The following MCTP1 variants were observed in gnomAD, a reference collection of about 807,000 sequenced individuals.
MCTP1 encodes the protein multiple C2 and transmembrane domain containing 1, also known as multiple C2 and transmembrane domain-containing protein 1.
MCTP1 carries 69 observed loss-of-function variants against 120.6 expected under a neutral mutation model. The observed-to-expected ratio is 0.57, with a 90% CI of 0.47 to 0.70. The LOEUF (loss-of-function observed/expected upper bound fraction) is 0.70, where lower values mean the gene tolerates loss of function less well. MCTP1 is among the 30% of genes least tolerant of loss of function. The pLI is 0.00. For missense variants in MCTP1, 1,203 were observed against 1,248.8 expected, an observed-to-expected ratio of 0.96 and a Z score of 0.55; for synonymous variants, 529 against 493.1, an observed-to-expected ratio of 1.07 and a Z score of -0.96.
In MCTP1 at chr5:95,284,134, G is replaced by A. The variant is rs373085719; in HGVS notation, c.442C>T (p.Pro148Ser). 6.4e-7 allele frequency: 1 copy of A among 1,554,132 alleles called. No individual in the cohort carries two copies. ...AASGAAGGTPPGGRSPDSAPS... is the reference protein window; with the variant it reads ...AASGAAGGTPSGGRSPDSAPS... ...GCTGAGTCGGGGGAGCGTCCGCCAG[G>A]AGGCGTCCCTCCCGCTGCTCCCGAG... Residue 148 changes from proline to serine, a missense_variant, in exon 1 of 23, where the codon CCT becomes TCT. Coordinates refer to ENST00000515393, the MANE Select transcript of MCTP1 (RefSeq NM_024717.7). The surrounding 1 kb of genome is among the most constrained non-coding windows in gnomAD (Gnocchi z 5.2).
intron 1 of MCTP1, chr5:95,081,464 G>T (rs1315150082): frequency 1.2e-6 from 2 of 1,612,264 alleles, no homozygotes; most frequent in African/African-American, 1.3e-5. Context: ...GCACTTTTCA[G>T]CTTGCAGCTG....
chr5:94,886,475 CAG>C (rs1163847563), intron 12 of MCTP1, among the ~76,000 whole-genome samples: 1 of 150,504 alleles, frequency 6.6e-6, no homozygotes, highest in Non-Finnish European at 1.5e-5. Flanking sequence ...ATCAAAAAAA[CAG>C]AGCCAAGTTG....
At chr5:94,913,042 A>G in intron 8 of MCTP1, 66 bp from the exon 9 acceptor site, 1 of 1,234,224 alleles carries the variant, frequency 8.1e-7, no homozygotes, top group Non-Finnish European at 1.1e-6. Context: ...TTTTGGCGTT[A>G]CCTTTTCTCC....
At chr5:94,821,747 A>G (rs1407312851) in intron 17 of MCTP1, among the ~76,000 whole-genome samples, 1 of 152,152 alleles carries the variant, frequency 6.6e-6, no homozygotes, top group East Asian at 1.9e-4. Flanking sequence ...AAGTCCTGCA[A>G]TTGGCCCTGA....
In MCTP1 at chr5:94,953,303, C is replaced by T. The variant is rs770597118; in HGVS notation, c.897G>A (p.Lys299=). The change falls in exon 3 of 23, where the codon AAG becomes AAA. Residue 299 remains lysine (K), a synonymous_variant. Coordinates refer to ENST00000515393, the MANE Select transcript of MCTP1 (RefSeq NM_024717.7). ...KIGGKEVFRS[K]IIHKNLNPVW... is the part of the protein sequence containing the mutation. ...CAGGGTTGAGGTTCTTGTGTATTAT[C>T]TTACTTCTAAAAACTTCTTTTCCTC... The T allele has an allele frequency of 3.7e-6, 6 of 1,611,814 alleles. No homozygotes were observed. In the African/African-American group the frequency reaches 8.0e-5, roughly 22 times the overall value.
intron 1 of MCTP1, among the ~76,000 whole-genome samples, chr5:95,138,237 C>CCCCA (rs952922775): frequency 1.5e-4 from 23 of 150,438 alleles, no homozygotes; most frequent in East Asian, 5.9e-4. Context: ...GATGCAACCC[C>CCCCA]CCCCCGACAT....
chr5:94,907,116 T>C (rs1581279292), intron 10 of MCTP1, among the ~76,000 whole-genome samples: 1 of 152,222 alleles, frequency 6.6e-6, no homozygotes, highest in East Asian at 1.9e-4. Context: ...ACAACTTGCC[T>C]GATACTTAGG....
chr5:95,107,077 T>C (rs564316127), intron 1 of MCTP1, among the ~76,000 whole-genome samples: 2 of 152,210 alleles, frequency 1.3e-5, no homozygotes, highest in Non-Finnish European at 2.9e-5. Context: ...CTAAATTTAG[T>C]TGAGTGTTAA....
chr5:95,069,698 C>CT (rs1360505720), intron 1 of MCTP1, among the ~76,000 whole-genome samples: 2 of 64,630 alleles, frequency 3.1e-5, no homozygotes, highest in South Asian at 4.6e-4. Flanking sequence ...GACCCTTCTG[C>CT]CCTTTTTTTT....
intron 10 of MCTP1, among the ~76,000 whole-genome samples, chr5:94,902,855 A>G (rs1805868257): frequency 6.6e-6 from 1 of 152,208 alleles, no homozygotes; most frequent in Non-Finnish European, 1.5e-5. Context: ...GCAAACTTCT[A>G]TAATTCCCTA....
At chr5:95,078,193 C>T (rs1754103484) in intron 1 of MCTP1, among the ~76,000 whole-genome samples, 1 of 152,184 alleles carries the variant, frequency 6.6e-6, no homozygotes, top group African/African-American at 2.4e-5. Context: ...TAAACTTCTC[C>T]ATTCTACAAT....
intron 13 of MCTP1, 147 bp from the exon 14 acceptor site, chr5:94,871,564 G>C (rs1797861572): frequency 1.6e-6 from 1 of 617,178 alleles, no homozygotes; most frequent in Non-Finnish European, 2.9e-6. Context: ...AGGTAGCTTG[G>C]TATCTGACAG....
intron 18 of MCTP1, chr5:94,788,691 C>T (rs1314897065): frequency 6.6e-6 from 1 of 152,210 alleles, no homozygotes; most frequent in African/African-American, 2.4e-5. Flanking sequence ...CCTCCCTCCC[C>T]ATGTTTAGAA....
intron 1 of MCTP1, among the ~76,000 whole-genome samples, chr5:95,064,850 T>G (rs1196713136): frequency 6.6e-6 from 1 of 152,224 alleles, no homozygotes; most frequent in African/African-American, 2.4e-5. Flanking sequence ...CCAAACTGAT[T>G]TAGATGTTGA....
intron 1 of MCTP1, among the ~76,000 whole-genome samples, chr5:95,167,916 A>T (rs1746646784): frequency 1.3e-5 from 2 of 152,146 alleles, no homozygotes; most frequent in African/African-American, 4.8e-5. Flanking sequence ...CCCATTTGTC[A>T]ATTTTGGCTT....
chr5:95,031,109 A>T (rs1192260587), intron 1 of MCTP1, among the ~76,000 whole-genome samples: 1 of 152,170 alleles, frequency 6.6e-6, no homozygotes, highest in Admixed American at 6.5e-5. Flanking sequence ...TTAAAAAATG[A>T]ACAAAGCTTT....
rs111898351 is a variant in MCTP1, at chr5:94,940,339, T to C, written c.1062-144A>G. On this transcript the variant is annotated intron_variant, in intron 4 of 22. Coordinates refer to ENST00000515393, the MANE Select transcript of MCTP1 (RefSeq NM_024717.7). ...GACAATTTTTGTTATTAAAATATTATCAGTGTATTAAGTTATCCAATAAAC... is the reference window on the plus strand; with the variant it reads ...GACAATTTTTGTTATTAAAATATTACCAGTGTATTAAGTTATCCAATAAAC... The C allele has an allele frequency of 2.3e-3, 1,206 of 528,950 alleles. 9 individuals carry two copies. Among genetic ancestry groups the C allele is most frequent in the African/African-American group, 0.02 (1,047 of 52,272 alleles). The allele number at this position is 528,950 out of a possible 1,614,324, so 32.8% of individuals were successfully genotyped here.
intron 1 of MCTP1, among the ~76,000 whole-genome samples, chr5:95,150,579 A>G (rs951022847): frequency 1.3e-5 from 2 of 152,238 alleles, no homozygotes; most frequent in Admixed American, 1.3e-4. Flanking sequence ...AATCCAGTTT[A>G]TGAATACATT....
At chr5:95,161,827 C>T (rs929024672) in intron 1 of MCTP1, among the ~76,000 whole-genome samples, 1 of 152,160 alleles carries the variant, frequency 6.6e-6, no homozygotes, top group Non-Finnish European at 1.5e-5. Context: ...TGAACCCAGT[C>T]TGTCTGGTTG....
Sources: gnomAD v4.1 joint callset for allele counts (sites outside exome capture counted in the v4.1 genomes callset) on GRCh38, gnomAD v4.1.1 for gene constraint, Gnocchi (gnomAD v3.1) non-coding constraint, MANE v1.5 for transcripts, NCBI Gene and HGNC (gene_info 2026-07-23, HGNC 2026-07-21) for gene names.